Variants in RASGEF1C observed in about 807,000 individuals in gnomAD.
RASGEF1C encodes the protein RasGEF domain family member 1C.
A neutral mutation model predicts 58.1 loss-of-function variants in RASGEF1C; 27 were observed. The observed-to-expected ratio is 0.46, with a 90% CI of 0.34 to 0.64. The LOEUF (loss-of-function observed/expected upper bound fraction) is 0.64, where lower values mean the gene tolerates loss of function less well. Ranked by LOEUF, RASGEF1C falls within the 30% of genes least tolerant of loss-of-function variation. RASGEF1C has a pLI of 0.01. For missense variants in RASGEF1C, 502 were observed against 605.1 expected, an observed-to-expected ratio of 0.83 and a Z score of 1.79; for synonymous variants, 243 against 246.3, an observed-to-expected ratio of 0.99 and a Z score of 0.13.
chr5:180,127,461 C>T (rs1766281471), intron 6 of RASGEF1C, 148 bp downstream of exon 6: 1 of 615,842 alleles, frequency 1.6e-6, no homozygotes, highest in Admixed American at 3.9e-5. Flanking sequence ...GCTGGAGGGG[C>T]GTGGCGGAGT....
intron 1 of RASGEF1C, among the ~76,000 whole-genome samples, chr5:180,161,355 G>T (rs373736514): frequency 1.3e-5 from 2 of 152,372 alleles, no homozygotes; most frequent in African/African-American, 4.8e-5. Flanking sequence ...AGACTGAGGT[G>T]GTTTCCTCCC....
At chr5:180,190,511 AT>A (rs1316381052) in intron 1 of RASGEF1C, among the ~76,000 whole-genome samples, 1,375 of 109,802 alleles carry the variant, frequency 0.013, 25 homozygotes, top group African/African-American at 0.03. Context: ...AAAAAAAATA[AT>A]AATAATAATA....
Position 180,208,517 on chromosome 5 carries a change from T to G in RASGEF1C, c.-7+511A>C, listed in dbSNP as rs183844039. ...CAGGACTCCCAGCAGACCCCACTGT[T>G]CTCGCAGGCCCTCTGATAGTGGCGC... On this transcript the variant is annotated intron_variant, in intron 1 of 13. Coordinates refer to ENST00000361132, the MANE Select transcript of RASGEF1C (RefSeq NM_175062.4). 1.7e-3 allele frequency among the ~76,000 whole-genome samples: 258 copies of G among 152,228 alleles called. 1 individual carries two copies. The highest frequency in any genetic ancestry group is 2.9e-3 in the Admixed American group (45 of 15,294).
At chr5:180,144,718 A>G (rs1334954862) in intron 1 of RASGEF1C, among the ~76,000 whole-genome samples, 1 of 152,118 alleles carries the variant, frequency 6.6e-6, no homozygotes, top group Admixed American at 6.5e-5. Context: ...GTACATTCAC[A>G]CTGTTGCACA....
chr5:180,147,246 G>A (rs1368863057), intron 1 of RASGEF1C, among the ~76,000 whole-genome samples: 1 of 121,896 alleles, frequency 8.2e-6, no homozygotes, highest in Non-Finnish European at 1.7e-5. Context: ...TCTTTTTGAA[G>A]AACCAACTTT....
At chr5:180,114,102 C>T (rs111771298) in intron 11 of RASGEF1C, among the ~76,000 whole-genome samples, 62 of 152,160 alleles carry the variant, frequency 4.1e-4, no homozygotes, top group African/African-American at 1.5e-3. Context: ...TGGTCCTGAC[C>T]CCCAGGGCAC....
chr5:180,154,915 G>A (rs1766827828), intron 1 of RASGEF1C, among the ~76,000 whole-genome samples: 1 of 152,182 alleles, frequency 6.6e-6, no homozygotes, highest in Non-Finnish European at 1.5e-5. Context: ...CCAGCTCCTG[G>A]CCCTGGACCT....
At chr5:180,174,827 C>T (rs912946729) in intron 1 of RASGEF1C, among the ~76,000 whole-genome samples, 2 of 152,166 alleles carry the variant, frequency 1.3e-5, no homozygotes, top group African/African-American at 2.4e-5. Context: ...TCTGCTTTTC[C>T]CAGAAAGGGA....
chr5:180,172,246 GGCCCC>G (rs1767120910), intron 1 of RASGEF1C, among the ~76,000 whole-genome samples: 1 of 152,084 alleles, frequency 6.6e-6, no homozygotes, highest in African/African-American at 2.4e-5. Flanking sequence ...GAGCACTCAG[GGCCCC>G]AGCATGCCCA....
chr5:180,187,730 A>G (rs749108033), intron 1 of RASGEF1C, among the ~76,000 whole-genome samples: 27 of 152,378 alleles, frequency 1.8e-4, no homozygotes, highest in Non-Finnish European at 3.4e-4. Flanking sequence ...ACAAATGGCC[A>G]AGAAGAATAT....
chr5:180,120,832 C>T (rs1042338467), intron 7 of RASGEF1C, among the ~76,000 whole-genome samples: 1 of 152,200 alleles, frequency 6.6e-6, no homozygotes, highest in Non-Finnish European at 1.5e-5. Flanking sequence ...CCCTCTCCAG[C>T]ACCCTCTGTG....
chr5:180,110,908 C>T (rs1052618480), intron 12 of RASGEF1C, among the ~76,000 whole-genome samples: 3 of 151,986 alleles, frequency 2.0e-5, no homozygotes, highest in East Asian at 1.9e-4. Flanking sequence ...CTCTGCCTCC[C>T]GGGTTCAAGT....
At chr5:180,179,447 C>T (rs529255342) in intron 1 of RASGEF1C, among the ~76,000 whole-genome samples, 2 of 152,148 alleles carry the variant, frequency 1.3e-5, no homozygotes, top group East Asian at 1.9e-4. Flanking sequence ...GCCCAGGGAA[C>T]CCATGGTGTG....
chr5:180,146,944 T>G (rs1228015544), intron 1 of RASGEF1C, among the ~76,000 whole-genome samples: 1 of 152,222 alleles, frequency 6.6e-6, no homozygotes, highest in East Asian at 1.9e-4. Flanking sequence ...GGTCCAGGAC[T>G]TTTTTGTTGT....
intron 1 of RASGEF1C, among the ~76,000 whole-genome samples, chr5:180,175,222 T>A (rs1206154611): frequency 6.6e-6 from 1 of 151,980 alleles, no homozygotes; most frequent in Non-Finnish European, 1.5e-5. Flanking sequence ...GCCTCTGGGG[T>A]TGGAGCCCCC....
rs756351614 is a variant in RASGEF1C, at chr5:180,118,594, G to A, written c.1083+15C>T. 32 of 1,592,096 alleles carry A rather than the reference G, an allele frequency of 2.0e-5. No individual in the cohort carries two copies. Among genetic ancestry groups the A allele is most frequent in the South Asian group, 1.0e-4 (9 of 87,202 alleles). On this transcript the variant is annotated intron_variant, in intron 10 of 13. Transcript: ENST00000361132. ...CCTGCTGCAGCCCCCCTGGGCCAACGTGGCCCCGACCTACCTTCTCTCGGC... is the reference window on the plus strand; with the variant it reads ...CCTGCTGCAGCCCCCCTGGGCCAACATGGCCCCGACCTACCTTCTCTCGGC...
intron 10 of RASGEF1C, among the ~76,000 whole-genome samples, chr5:180,114,807 G>T (rs765898336): frequency 2.6e-5 from 4 of 152,250 alleles, no homozygotes; most frequent in Non-Finnish European, 5.9e-5. Flanking sequence ...TGGTGCCACC[G>T]CCCGTCCTGG....
chr5:180,137,269 G>A lies in RASGEF1C; in HGVS notation c.300+321C>T, dbSNP rs1354312844. 6.6e-6 allele frequency among the ~76,000 whole-genome samples: 1 copy of A among 152,172 alleles called. No individual in the cohort carries two copies. The highest frequency in any genetic ancestry group is 6.5e-5 in the Admixed American group (1 of 15,286). ...CCGGCCAGGACTGGGAAGGTGGAGC[G>A]GATGTGCTGGGGGAAGGAAGCCCAC... On this transcript the variant is annotated intron_variant, in intron 3 of 13. Coordinates refer to ENST00000361132, the MANE Select transcript of RASGEF1C (RefSeq NM_175062.4). The surrounding 1 kb of genome is among the most constrained non-coding windows in gnomAD (Gnocchi z 4.1).
chr5:180,202,558 G>A (rs1756412717), intron 1 of RASGEF1C, among the ~76,000 whole-genome samples: 2 of 152,162 alleles, frequency 1.3e-5, no homozygotes, highest in African/African-American at 4.8e-5. Context: ...TGTCAACAAT[G>A]TACAAGCAAT....
Sources: allele counts gnomAD v4.1 joint callset (sites outside exome capture counted in the v4.1 genomes callset), GRCh38; gene constraint gnomAD v4.1.1; non-coding constraint Gnocchi (gnomAD v3.1); transcripts MANE v1.5; gene names NCBI Gene and HGNC (gene_info 2026-07-23, HGNC 2026-07-21).